Variants in TLE1 observed in about 807,000 individuals in gnomAD.
TLE1 encodes the protein transducin-like enhancer protein 1.
In TLE1, 21 loss-of-function variants were observed where a neutral mutation model predicts 89.8. The observed-to-expected ratio is 0.23, with a 90% CI of 0.17 to 0.34. The LOEUF (loss-of-function observed/expected upper bound fraction) is 0.34, where lower values mean the gene tolerates loss of function less well. TLE1 is among the 10% of genes least tolerant of loss of function. The pLI is 1.00. For missense variants in TLE1, 795 were observed against 1,031.2 expected (o/e 0.77, Z 3.14); for synonymous variants, 447 against 407.6 (o/e 1.10, Z -1.16).
chr9:81,665,318 C>T (rs1048837399), intron 4 of TLE1, among the ~76,000 whole-genome samples: 2 of 152,150 alleles, frequency 1.3e-5, no homozygotes, highest in South Asian at 4.1e-4. Flanking sequence ...ATGACAGAAA[C>T]CCTTTAGTGG....
intron 4 of TLE1, among the ~76,000 whole-genome samples, chr9:81,677,104 G>A (rs1207103141): frequency 6.6e-6 from 1 of 152,098 alleles, no homozygotes; most frequent in Non-Finnish European, 1.5e-5. Flanking sequence ...GGTCCGTGGT[G>A]GCACGTGCCT....
chr9:81,645,985 A>C (rs1182063971), intron 6 of TLE1, among the ~76,000 whole-genome samples: 1 of 152,210 alleles, frequency 6.6e-6, no homozygotes, highest in Non-Finnish European at 1.5e-5. Context: ...AATGAAGAAT[A>C]TATAATGCTT....
chr9:81,677,334 G>A (rs1420560422), intron 4 of TLE1, among the ~76,000 whole-genome samples: 2 of 151,998 alleles, frequency 1.3e-5, no homozygotes, highest in African/African-American at 4.8e-5. Flanking sequence ...GGGAGGCTGA[G>A]GTGGGCAGAT....
intron 6 of TLE1, among the ~76,000 whole-genome samples, chr9:81,651,111 C>G (rs1186214285): frequency 6.6e-6 from 1 of 152,132 alleles, no homozygotes; most frequent in African/African-American, 2.4e-5. Context: ...CACTCTTAAT[C>G]CGTACAGCAG....
rs1829377567 is a variant in TLE1, at chr9:81,590,808, A to G, written c.1826T>C (p.Val609Ala). Residue 609 changes from valine (V) to alanine (A), a missense_variant, in exon 16 of 20, where the codon GTG becomes GCG. Val to Ala is a moderately conservative substitution (Grantham distance 64). This residue lies in a region of TLE1 where 214 missense variants were observed against 354.9 expected (regional missense o/e 0.60). Transcript: ENST00000376499. ...AVWDLHNQTL[V>A]RQFQGHTDGA... ...TTAGACGACCATCTTTGCTCACCTC[A>G]CTAGTGTCTGGTTGTGCAGATCCCA... is the stretch of plus-strand genomic sequence containing the variant. 1 of 1,613,674 alleles carries G rather than the reference A, an allele frequency of 6.2e-7. No individual in the cohort carries two copies. The highest frequency in any genetic ancestry group is 1.7e-5 in the Admixed American group (1 of 60,006).
intron 4 of TLE1, among the ~76,000 whole-genome samples, chr9:81,684,826 CT>C (rs1588272934): frequency 1.3e-5 from 2 of 152,192 alleles, no homozygotes; most frequent in East Asian, 3.9e-4. Context: ...CTCCAGAATA[CT>C]TACACCCTGC....
chr9:81,607,147 A>G (rs1280615002), intron 14 of TLE1, among the ~76,000 whole-genome samples: 1 of 152,106 alleles, frequency 6.6e-6, no homozygotes, highest in Admixed American at 6.5e-5. Context: ...GATTTTGACC[A>G]AGATGAGAAA....
intron 12 of TLE1, 118 bp downstream of exon 12, chr9:81,613,259 G>T: frequency 7.3e-7 from 1 of 1,374,472 alleles, no homozygotes; most frequent in Non-Finnish European, 9.8e-7. Flanking sequence ...ATAGGAAGGA[G>T]GGTGGCCCTA....
intron 16 of TLE1, among the ~76,000 whole-genome samples, chr9:81,588,277 C>T (rs536290909): frequency 7.9e-5 from 12 of 152,274 alleles, no homozygotes; most frequent in Non-Finnish European, 1.6e-4. Flanking sequence ...GAAATGGGGA[C>T]GTTACAAGCA....
chr9:81,619,320 G>T (rs1441249561), intron 9 of TLE1, among the ~76,000 whole-genome samples: 1 of 152,098 alleles, frequency 6.6e-6, no homozygotes, highest in Non-Finnish European at 1.5e-5. Context: ...GAGGATCTCT[G>T]GTAAAATAAT....
In TLE1 at chr9:81,593,108, A is replaced by G; in HGVS notation, c.1498T>C (p.Tyr500His). 6.2e-7 allele frequency: 1 copy of G among 1,613,928 alleles called. No homozygotes were observed. Among genetic ancestry groups the G allele is most frequent in the Non-Finnish European group, 8.5e-7 (1 of 1,179,994 alleles). Residue 500 changes from tyrosine (Y) to histidine (H), a missense_variant, in exon 15 of 20, where the codon TAC becomes CAC. Tyr to His is a moderately conservative substitution (Grantham distance 83). Around this residue, in one of 4 missense-constraint regions of TLE1, gnomAD observed 214 missense variants for 354.9 expected, o/e 0.60. Transcript: ENST00000376499. ...VTISNPTRHV[Y>H]TGGKGCVKVW... is the part of the protein sequence containing the mutation. ...TTGACGCAGCCCTTCCCGCCTGTGT[A>G]CACGTGTCTCGTGGGGTTGCTGATG...
chr9:81,626,500 C>A (rs1363265860), intron 8 of TLE1, among the ~76,000 whole-genome samples: 1 of 152,162 alleles, frequency 6.6e-6, no homozygotes, highest in Admixed American at 6.5e-5. Context: ...CTAATGAGAT[C>A]CCCACTTGTT....
intron 4 of TLE1, among the ~76,000 whole-genome samples, chr9:81,669,847 T>C (rs1181966118): frequency 6.6e-6 from 1 of 152,172 alleles, no homozygotes; most frequent in Non-Finnish European, 1.5e-5. Flanking sequence ...CGGTCCCCCT[T>C]TGCTGGTTTG....
chr9:81,682,988 G>A (rs972890586), intron 4 of TLE1, among the ~76,000 whole-genome samples: 5 of 152,154 alleles, frequency 3.3e-5, no homozygotes, highest in South Asian at 2.1e-4. Flanking sequence ...ACCTAAACAC[G>A]GGCTGTGGGC....
chr9:81,624,870 C>G (rs1004988616), intron 8 of TLE1, among the ~76,000 whole-genome samples: 2 of 152,096 alleles, frequency 1.3e-5, no homozygotes, highest in African/African-American at 2.4e-5. Context: ...ACATTACAAA[C>G]CTGGGCAAAT....
At chr9:81,633,395 A>T in intron 7 of TLE1, 31 bp from the exon 8 acceptor site, 1 of 1,614,012 alleles carries the variant, frequency 6.2e-7, no homozygotes, top group South Asian at 1.1e-5. Flanking sequence ...AAACGCACAG[A>T]CATGCCCGTT....
At chr9:81,660,934 A>AAG (rs1191438998) in intron 4 of TLE1, among the ~76,000 whole-genome samples, 41 of 88,818 alleles carry the variant, frequency 4.6e-4, no homozygotes, top group African/African-American at 1.7e-3. Context: ...ATCCCTACTA[A>AAG]ACACACACAC....
intron 14 of TLE1, among the ~76,000 whole-genome samples, chr9:81,604,839 C>T (rs1288495713): frequency 6.6e-6 from 1 of 152,184 alleles, no homozygotes; most frequent in African/African-American, 2.4e-5. Context: ...CCATGGGAAA[C>T]TCATTCCTTC....
At chr9:81,646,134 T>A (rs577890051) in intron 6 of TLE1, among the ~76,000 whole-genome samples, 66 of 152,266 alleles carry the variant, frequency 4.3e-4, no homozygotes, top group Middle Eastern at 3.4e-3. Context: ...AAAATTTTTT[T>A]AAAAAAGGAA....
Sources: gnomAD v4.1 joint callset for allele counts (sites outside exome capture counted in the v4.1 genomes callset) on GRCh38, gnomAD v4.1.1 for gene constraint, gnomAD v4.1.1 regional missense constraint, MANE v1.5 for transcripts, NCBI Gene and HGNC (gene_info 2026-07-23, HGNC 2026-07-21) for gene names.